The following DMXL1 variants were observed in gnomAD, a reference collection of about 807,000 sequenced individuals.
DMXL1 encodes the protein dmX-like protein 1.
A neutral mutation model predicts 319.2 loss-of-function variants in DMXL1; 99 were observed. The observed-to-expected ratio is 0.31, with a 90% confidence interval of 0.26 to 0.37. The LOEUF (loss-of-function observed/expected upper bound fraction) is 0.37, where lower values mean the gene tolerates loss of function less well. Among genes scored for constraint, DMXL1 ranks in the 10% least tolerant of loss-of-function variants. The pLI, the probability that DMXL1 is intolerant of heterozygous loss-of-function variation, is 1.00. For missense variants in DMXL1, 3,745 were observed against 3,595.6 expected, an observed-to-expected ratio of 1.04 and a Z score of -1.06; for synonymous variants, 1,385 against 1,235.2, an observed-to-expected ratio of 1.12 and a Z score of -2.54.
chr5:119,170,192 C>G lies in DMXL1; in HGVS notation c.5401C>G (p.Gln1801Glu), dbSNP rs1168483070. The G allele has an allele frequency of 2.5e-6, 4 of 1,587,440 alleles. No individual in the cohort carries two copies. The highest frequency in any genetic ancestry group is 3.4e-6 in the Non-Finnish European group (4 of 1,170,422). The change falls in exon 24 of 44, where the codon CAA becomes GAA. Residue 1801 changes from glutamine to glutamate, a missense_variant and splice_region_variant. Gln to Glu is a conservative substitution (Grantham distance 29). Transcript: ENST00000539542. Reference protein sequence around the residue: ...IKQPIRENDDQVLSASNPTVF... With the variant: ...IKQPIRENDDEVLSASNPTVF... ...TCATAAAATGAATTTACTTTCAGAT[C>G]AAGTTTTATCAGCCAGTAATCCTAC...
intron 35 of DMXL1, among the ~76,000 whole-genome samples, chr5:119,218,415 T>A (rs1021961976): frequency 1.3e-4 from 20 of 151,992 alleles, no homozygotes; most frequent in Non-Finnish European, 2.5e-4. Flanking sequence ...TTCCCCAGAT[T>A]TGCTATTTTT....
chr5:119,245,634 G>C (rs925705823), intron 43 of DMXL1, among the ~76,000 whole-genome samples: 1 of 151,508 alleles, frequency 6.6e-6, no homozygotes, highest in African/African-American at 2.4e-5. Flanking sequence ...CCACCTCCCG[G>C]GTTCAAGCGA....
chr5:119,071,711 G>C, intron 1 of DMXL1, 55 bp downstream of exon 1: 3 of 1,510,984 alleles, frequency 2.0e-6, no homozygotes, highest in South Asian at 1.2e-5. Flanking sequence ...CCGTCATTCT[G>C]GGCCGAGCTT....
chr5:119,173,668 A>ATGTGTGTGTGTGTGTGTGTGTGTG (rs1461681311), intron 25 of DMXL1, among the ~76,000 whole-genome samples: 7 of 100,526 alleles, frequency 7.0e-5, no homozygotes, highest in African/African-American at 2.1e-4. Context: ...AATCAGTAGG[A>ATGTGTGTGTGTGTGTGTGTGTGTG]TGTATGTGTG....
Position 119,239,090 on chromosome 5 carries a change from G to T in DMXL1, c.8651+10G>T. Reference sequence around the variant, plus strand: ...TTTCAACTGACAATAGGTAAGAGATGATAGCTAAAATTGAAGTATGAGAAA... The same window carrying T: ...TTTCAACTGACAATAGGTAAGAGATTATAGCTAAAATTGAAGTATGAGAAA... On this transcript the variant is annotated intron_variant, in intron 41 of 43. Transcript: ENST00000539542. 3 of 1,613,098 alleles carry T rather than the reference G, an allele frequency of 1.9e-6. No individual in the cohort carries two copies. Among genetic ancestry groups the T allele is most frequent in the South Asian group, 1.1e-5 (1 of 91,030 alleles).
chr5:119,077,319 T>C (rs754120286), intron 1 of DMXL1, among the ~76,000 whole-genome samples: 4 of 152,190 alleles, frequency 2.6e-5, no homozygotes, highest in Non-Finnish European at 5.9e-5. Flanking sequence ...ACAGTTTATT[T>C]GATAAGCCAG....
rs1476356328 is a variant in DMXL1, at chr5:119,144,567, T to C, written c.2498T>C (p.Phe833Ser). The C allele has an allele frequency of 6.2e-7, 1 of 1,602,806 alleles. No individual in the cohort carries two copies. Among genetic ancestry groups the C allele is most frequent in the Non-Finnish European group, 8.5e-7 (1 of 1,176,430 alleles). Residue 833 changes from phenylalanine (F) to serine (S), a missense_variant, in exon 15 of 44, where the codon TTT becomes TCT. By Grantham distance (155) the Phe-to-Ser change is radical. Transcript: ENST00000539542. ...HGRKTQLLHV[F>S]EEDFILNNLE... ...AGAAAAACCCAACTGCTTCATGTTT[T>C]TGAAGAAGACTTCATTTTGAATAAC...
chr5:119,097,527 C>T (rs2149779346), intron 1 of DMXL1, among the ~76,000 whole-genome samples: 1 of 152,068 alleles, frequency 6.6e-6, no homozygotes, highest in East Asian at 1.9e-4. Flanking sequence ...ACCATCCTGG[C>T]TAACACGGTG....
chr5:119,162,575 C>T (rs946084381), intron 19 of DMXL1, among the ~76,000 whole-genome samples: 27 of 152,256 alleles, frequency 1.8e-4, no homozygotes, highest in Admixed American at 1.3e-3. Flanking sequence ...ATCCCATTCA[C>T]GAGGGCAATG....
At chr5:119,107,815 T>G (rs2149831886) in intron 4 of DMXL1, among the ~76,000 whole-genome samples, 1 of 152,316 alleles carries the variant, frequency 6.6e-6, no homozygotes, top group Admixed American at 6.5e-5. Context: ...CTATGAAACC[T>G]TCTGTCTAGT....
intron 38 of DMXL1, among the ~76,000 whole-genome samples, chr5:119,231,911 G>T (rs114821887): frequency 6.6e-6 from 1 of 152,226 alleles, no homozygotes; most frequent in South Asian, 2.1e-4. Flanking sequence ...TGATTTGCTC[G>T]TATAGGCATG....
intron 25 of DMXL1, among the ~76,000 whole-genome samples, chr5:119,173,342 A>AC (rs1455076884): frequency 1.6e-5 from 2 of 121,312 alleles, no homozygotes; most frequent in Non-Finnish European, 1.7e-5. Flanking sequence ...CTCCGCGCCC[A>AC]CCCCCCGCCA....
At chr5:119,139,258 A>C (rs956050239) in intron 13 of DMXL1, among the ~76,000 whole-genome samples, 1 of 151,758 alleles carries the variant, frequency 6.6e-6, no homozygotes, top group South Asian at 2.1e-4. Context: ...ACATAATAAC[A>C]CAATCAGATC....
At chr5:119,078,341 T>C (rs572841857) in intron 1 of DMXL1, among the ~76,000 whole-genome samples, 31 of 152,306 alleles carry the variant, frequency 2.0e-4, no homozygotes, top group African/African-American at 7.2e-4. Context: ...AAACTGGAGA[T>C]TTAGTATGCC....
At chr5:119,203,460 T>G in intron 33 of DMXL1, 24 bp downstream of exon 33, 1 of 1,356,702 alleles carries the variant, frequency 7.4e-7, no homozygotes, top group Non-Finnish European at 1.0e-6. Context: ...AAAACCTGTT[T>G]ACTATTTTAT....
chr5:119,076,527 A>G (rs1469997941), intron 1 of DMXL1, among the ~76,000 whole-genome samples: 1 of 152,200 alleles, frequency 6.6e-6, no homozygotes, highest in East Asian at 1.9e-4. Flanking sequence ...TATTGCAAGT[A>G]CTAAAGTGGA....
intron 15 of DMXL1, among the ~76,000 whole-genome samples, 200 bp downstream of exon 15, chr5:119,144,838 T>TC (rs1049817035): frequency 2.0e-5 from 3 of 151,764 alleles, no homozygotes; most frequent in Non-Finnish European, 4.4e-5. Context: ...TAAAGGGGCA[T>TC]CTTGGTTGTA....
chr5:119,114,410 G>T, intron 5 of DMXL1, 65 bp from the exon 6 acceptor site: 1 of 1,136,524 alleles, frequency 8.8e-7, no homozygotes, highest in South Asian at 1.4e-5. Flanking sequence ...TTATAATTTT[G>T]AGAATATTGA....
At chr5:119,095,322 T>C (rs943774814) in intron 1 of DMXL1, among the ~76,000 whole-genome samples, 2 of 152,254 alleles carry the variant, frequency 1.3e-5, no homozygotes, top group Non-Finnish European at 2.9e-5. Context: ...GATGAAGTGG[T>C]AATTGTTATT....
Sources: gnomAD v4.1 joint callset for allele counts (sites outside exome capture counted in the v4.1 genomes callset) on GRCh38, gnomAD v4.1.1 for gene constraint, MANE v1.5 for transcripts, NCBI Gene and HGNC (gene_info 2026-07-23, HGNC 2026-07-21) for gene names.